The following PLCB1 variants were observed in gnomAD, a reference collection of about 807,000 sequenced individuals.
The protein encoded by PLCB1 is 1-phosphatidylinositol 4,5-bisphosphate phosphodiesterase beta-1.
PLCB1 carries 46 observed loss-of-function variants against 161.8 expected under a neutral mutation model. That is an observed-to-expected ratio of 0.28 (90% CI 0.22 to 0.36). PLCB1 has a LOEUF of 0.36. Among genes scored for constraint, PLCB1 ranks in the 10% least tolerant of loss-of-function variants. PLCB1 has a pLI of 1.00. For missense variants in PLCB1, 1,016 were observed against 1,472.5 expected (o/e 0.69, Z 5.07); for synonymous variants, 517 against 503.7 (o/e 1.03, Z -0.35).
At chr20:8,845,678 A>G (rs1203333434) in intron 31 of PLCB1, among the ~76,000 whole-genome samples, 1 of 152,202 alleles carries the variant, frequency 6.6e-6, no homozygotes, top group Non-Finnish European at 1.5e-5. Context: ...TATATGGAGA[A>G]TTAAATAAAT....
chr20:8,790,042 T>C (rs917215884), intron 30 of PLCB1, 133 bp from the exon 31 acceptor site: 10 of 636,622 alleles, frequency 1.6e-5, no homozygotes, highest in Non-Finnish European at 2.5e-5. Flanking sequence ...CCTATACTTG[T>C]AAGTGTAGTT....
rs143045940 is a variant in PLCB1 at position 8,828,352 on chromosome 20, T to C, written c.3423+38091T>C. Reference sequence around the variant, plus strand: ...TTAAGTCCTCTCAAAAGTTTGACAATATGAAACAAGGAAATTCAGTTAGTC... The same window carrying C: ...TTAAGTCCTCTCAAAAGTTTGACAACATGAAACAAGGAAATTCAGTTAGTC... On this transcript the variant is annotated intron_variant, in intron 31 of 31. Coordinates refer to ENST00000338037, the MANE Select transcript of PLCB1 (RefSeq NM_015192.4). 2.9e-3 allele frequency among the ~76,000 whole-genome samples: 445 copies of C among 151,722 alleles called. 5 individuals are homozygous for C. The highest frequency in any genetic ancestry group is 0.01 in the African/African-American group (418 of 41,000).
chr20:8,773,729 T>G lies in PLCB1; in HGVS notation c.2931-810T>G, dbSNP rs189200834. On this transcript the variant is annotated intron_variant, in intron 26 of 31. Transcript: ENST00000338037. ...TGGCTCACGTCTGTAATCCCAGCAC[T>G]CTGGGAGGCTGAGATGGGCAGATCA... Among the ~76,000 whole-genome samples the G allele has an allele frequency of 1.7e-4, 26 of 152,284 alleles. No individual in the cohort carries two copies. The East Asian group carries it at 2.9e-3, about 17-fold the overall frequency.
chr20:8,768,424 G>T (rs1982481917), intron 26 of PLCB1, among the ~76,000 whole-genome samples: 1 of 151,978 alleles, frequency 6.6e-6, no homozygotes, highest in Admixed American at 6.6e-5. Context: ...ATTAGATTCA[G>T]GTCCACCCTA....
At chr20:8,745,313 C>T (rs557000957) in intron 23 of PLCB1, among the ~76,000 whole-genome samples, 6 of 152,238 alleles carry the variant, frequency 3.9e-5, no homozygotes, top group African/African-American at 1.4e-4. Context: ...CTGTGGTTTT[C>T]TCTAAAGAAA....
intron 2 of PLCB1, among the ~76,000 whole-genome samples, chr20:8,176,595 A>G (rs544120288): frequency 1.6e-4 from 25 of 152,314 alleles, no homozygotes; most frequent in African/African-American, 6.0e-4. Context: ...GAACCTACAG[A>G]TGATAAACTT....
intron 16 of PLCB1, among the ~76,000 whole-genome samples, chr20:8,726,866 G>A (rs1052021952): frequency 6.6e-6 from 1 of 152,036 alleles, no homozygotes; most frequent in Non-Finnish European, 1.5e-5. Context: ...AAACTGATAA[G>A]GTGGCAATGT....
chr20:8,308,387 T>G (rs1487409152), intron 2 of PLCB1, among the ~76,000 whole-genome samples: 1 of 151,704 alleles, frequency 6.6e-6, no homozygotes, highest in Non-Finnish European at 1.5e-5. Context: ...GAGGCCAAGG[T>G]GAGCGGATCA....
intron 7 of PLCB1, chr20:8,651,622 C>A: frequency 1.6e-6 from 1 of 643,104 alleles, no homozygotes. Flanking sequence ...TACTATGTGC[C>A]CATAGGCATT....
chr20:8,669,235 T>C (rs922248690), intron 9 of PLCB1, among the ~76,000 whole-genome samples: 4 of 152,196 alleles, frequency 2.6e-5, no homozygotes, highest in African/African-American at 9.7e-5. Flanking sequence ...CGAGGGAAGC[T>C]TGAAGGAAAA....
chr20:8,463,949 C>T (rs1981701307), intron 3 of PLCB1, among the ~76,000 whole-genome samples: 1 of 152,070 alleles, frequency 6.6e-6, no homozygotes, highest in Non-Finnish European at 1.5e-5. Flanking sequence ...GGATTATTTT[C>T]CTTCTGACTG....
intron 3 of PLCB1, among the ~76,000 whole-genome samples, chr20:8,525,149 G>A (rs954243598): frequency 1.0e-5 from 1 of 97,780 alleles, no homozygotes; most frequent in African/African-American, 4.9e-5. Context: ...GACATTTATG[G>A]AGAAGGGGGA....
chr20:8,670,749 C>T (rs898203053), intron 9 of PLCB1, among the ~76,000 whole-genome samples: 1 of 152,098 alleles, frequency 6.6e-6, no homozygotes, highest in Non-Finnish European at 1.5e-5. Context: ...AAAGTTTGTG[C>T]CCGGGCAAAG....
intron 2 of PLCB1, among the ~76,000 whole-genome samples, chr20:8,370,272 C>G (rs1003142368): frequency 1.3e-5 from 2 of 152,116 alleles, no homozygotes; most frequent in Non-Finnish European, 1.5e-5. Flanking sequence ...GGCTCAGTCT[C>G]CTTAGCCAGA....
At position 8,462,941 on chromosome 20, in the gene PLCB1, T is replaced by C. The variant is rs115120915; in HGVS notation, c.246+91491T>C. ...TCATGAGTAGAAAGGCAAAGCATTG[T>C]GAAGGGAGCACCTTTCTATATTATT... On this transcript the variant is annotated intron_variant, in intron 3 of 31. Coordinates refer to ENST00000338037, the MANE Select transcript of PLCB1 (RefSeq NM_015192.4). 8.0e-3 allele frequency among the ~76,000 whole-genome samples: 1,217 copies of C among 151,738 alleles called. 21 individuals carry two copies. The highest frequency in any genetic ancestry group is 0.027 in the African/African-American group (1,133 of 41,402).
chr20:8,148,855 T>A (rs1320916307), intron 1 of PLCB1, among the ~76,000 whole-genome samples: 1 of 152,218 alleles, frequency 6.6e-6, no homozygotes, highest in Non-Finnish European at 1.5e-5. Flanking sequence ...AATTATTTAA[T>A]TACCTGGAGT....
rs767896723 is a variant in PLCB1 at position 8,311,072 on chromosome 20, A to AT, written c.178-60304dup. On this transcript the variant is annotated intron_variant, in intron 2 of 31. Coordinates refer to ENST00000338037, the MANE Select transcript of PLCB1 (RefSeq NM_015192.4). ...TTCTACAGCTTCACCAACATCTGTT[A>AT]TTTTTTGGCTTTTTAAGAATAAAAA... 7.9e-4 allele frequency among the ~76,000 whole-genome samples: 120 copies of AT among 152,194 alleles called. 2 individuals are homozygous for AT. The highest frequency in any genetic ancestry group is 1.2e-3 in the Admixed American group (18 of 15,270).
chr20:8,319,428 G>A (rs1984804405), intron 2 of PLCB1, among the ~76,000 whole-genome samples: 1 of 152,024 alleles, frequency 6.6e-6, no homozygotes, highest in South Asian at 2.1e-4. Context: ...TGTTCACATG[G>A]TCGCTGGGCA....
intron 2 of PLCB1, among the ~76,000 whole-genome samples, chr20:8,215,385 C>A (rs565009625): frequency 6.6e-6 from 1 of 151,926 alleles, no homozygotes; most frequent in South Asian, 2.1e-4. Context: ...TGGGGAGCAT[C>A]TTTGTAGTCT....
Sources: gnomAD v4.1 joint callset for allele counts (sites outside exome capture counted in the v4.1 genomes callset) on GRCh38, gnomAD v4.1.1 for gene constraint, MANE v1.5 for transcripts, NCBI Gene and HGNC (gene_info 2026-07-23, HGNC 2026-07-21) for gene names.